The following COMMD7 variants were observed in gnomAD, a reference collection of about 807,000 sequenced individuals.
COMMD7 encodes the protein COMM domain containing 7, also known as COMM domain-containing protein 7.
In COMMD7, 28 loss-of-function variants were observed where a neutral mutation model predicts 34.8. That is an observed-to-expected ratio of 0.80 (90% confidence interval 0.60 to 1.10). The LOEUF (loss-of-function observed/expected upper bound fraction) is 1.10, where lower values mean the gene tolerates loss of function less well. Among genes scored for constraint, COMMD7 ranks in the 50% least tolerant of loss-of-function variants. The pLI is 0.00. For synonymous variants in COMMD7, 80 were observed against 86.4 expected (o/e 0.93, Z 0.41); for missense variants, 211 against 241.6 (o/e 0.87, Z 0.84).
chr20:32,725,498 A>G (rs1375706738), intron 3 of COMMD7, among the ~76,000 whole-genome samples: 2 of 141,278 alleles, frequency 1.4e-5, no homozygotes, highest in Non-Finnish European at 3.0e-5. Flanking sequence ...GCACGGTCTC[A>G]GCTCACTGCA....
intron 1 of COMMD7, among the ~76,000 whole-genome samples, chr20:32,741,235 C>T (rs983761953): frequency 6.6e-6 from 1 of 151,870 alleles, no homozygotes; most frequent in Admixed American, 6.6e-5. Context: ...GGATGGGGGT[C>T]TCACTATGCT....
intron 1 of COMMD7, among the ~76,000 whole-genome samples, chr20:32,737,642 A>C (rs1031044178): frequency 6.6e-6 from 1 of 151,100 alleles, no homozygotes; most frequent in Non-Finnish European, 1.5e-5. Context: ...CAACCTAGGC[A>C]ACAAACAGTG....
chr20:32,720,887 G>A (rs2145744823), intron 3 of COMMD7, among the ~76,000 whole-genome samples: 1 of 152,262 alleles, frequency 6.6e-6, no homozygotes, highest in South Asian at 2.1e-4. Flanking sequence ...TGCACGTACT[G>A]AGCACCTGCT....
chr20:32,730,921 C>T lies in COMMD7; in HGVS notation c.85-2779G>A, dbSNP rs78207229. Among the ~76,000 whole-genome samples, 832 of 152,306 alleles carry T rather than the reference C, an allele frequency of 5.5e-3. 15 individuals are homozygous for T. In the East Asian group the frequency reaches 0.071, roughly 13 times the overall value. On this transcript the variant is annotated intron_variant, in intron 1 of 8. Transcript: ENST00000278980. ...TATAGGCAGATACTTCAGCTTAAAA[C>T]CCCCAAAGTTGTATGTGTAGTATGT...
intron 1 of COMMD7, among the ~76,000 whole-genome samples, chr20:32,740,407 G>A (rs751542747): frequency 6.6e-6 from 1 of 152,072 alleles, no homozygotes; most frequent in Non-Finnish European, 1.5e-5. Context: ...AAAGTAAAAT[G>A]TCATTGATAT....
intron 7 of COMMD7, 104 bp downstream of exon 7, chr20:32,704,336 A>G: frequency 9.3e-7 from 1 of 1,074,866 alleles, no homozygotes; most frequent in South Asian, 1.6e-5. Flanking sequence ...TATATAAGGT[A>G]CTTCAGTAAA....
chr20:32,722,769 C>A (rs1241480909), intron 3 of COMMD7, among the ~76,000 whole-genome samples: 1 of 149,322 alleles, frequency 6.7e-6, no homozygotes, highest in Non-Finnish European at 1.5e-5. Flanking sequence ...CACCTGTAAT[C>A]CCAGCACTTT....
intron 3 of COMMD7, among the ~76,000 whole-genome samples, chr20:32,719,419 G>C (rs373683566): frequency 2.0e-5 from 3 of 152,054 alleles, no homozygotes; most frequent in Non-Finnish European, 4.4e-5. Context: ...AGGCCAAGGT[G>C]GGGTGGATCA....
chr20:32,735,843 A>G (rs117960856), intron 1 of COMMD7, among the ~76,000 whole-genome samples: 5,906 of 152,102 alleles, frequency 0.039, 149 homozygotes, highest in Non-Finnish European at 0.059. Context: ...ATACTGTTTG[A>G]ATTTCCTGTC....
chr20:32,735,514 A>C (rs894561629), intron 1 of COMMD7, among the ~76,000 whole-genome samples: 2 of 151,922 alleles, frequency 1.3e-5, no homozygotes, highest in African/African-American at 2.4e-5. Context: ...ACAGGGTTTC[A>C]CCATGTTGGC....
chr20:32,728,206 C>T, intron 1 of COMMD7, 64 bp from the exon 2 acceptor site: 2 of 1,442,870 alleles, frequency 1.4e-6, no homozygotes, highest in East Asian at 2.3e-5. Flanking sequence ...TGCCCCACCC[C>T]AGGCAACTGC....
chr20:32,741,990 C>A (rs1264414266), intron 1 of COMMD7, among the ~76,000 whole-genome samples: 3 of 152,080 alleles, frequency 2.0e-5, no homozygotes. Context: ...GTGTTCAAGA[C>A]CAGCCTGGCC....
intron 1 of COMMD7, among the ~76,000 whole-genome samples, chr20:32,740,771 A>T (rs1986395581): frequency 6.6e-6 from 1 of 151,446 alleles, no homozygotes. Context: ...CCAGGAGATC[A>T]AGGCTACAGT....
chr20:32,734,047 AG>A (rs965310213), intron 1 of COMMD7, among the ~76,000 whole-genome samples: 2 of 148,968 alleles, frequency 1.3e-5, no homozygotes, highest in African/African-American at 5.0e-5. Context: ...CAAGCGTGGT[AG>A]GGGGCGCCTA....
At chr20:32,733,716 C>CA (rs35352458) in intron 1 of COMMD7, among the ~76,000 whole-genome samples, 1,853 of 109,544 alleles carry the variant, frequency 0.017, 68 homozygotes, top group African/African-American at 0.062. Context: ...GACTCCATCT[C>CA]AAAAAAAAAA....
rs1568789037 is a variant in COMMD7 at position 32,727,933 on chromosome 20, G to T, written c.201C>A (p.Ser67=). The T allele has an allele frequency of 1.2e-6, 2 of 1,614,006 alleles. No individual in the cohort carries two copies. Among genetic ancestry groups the T allele is most frequent in the Non-Finnish European group, 1.7e-6 (2 of 1,180,034 alleles). ...GGAGGCTTTTCACGATGCTTCTGAGGGAGCCAAGACTGATCTGATTGGTGG... is the reference window on the plus strand; with the variant it reads ...GGAGGCTTTTCACGATGCTTCTGAGTGAGCCAAGACTGATCTGATTGGTGG... The part of the protein sequence containing the change: ...FATTNQISLG[S]LRSIVKSLLL... Residue 67 remains serine, a synonymous_variant, in exon 3 of 9, where the codon TCC becomes TCA. Coordinates refer to ENST00000278980, the MANE Select transcript of COMMD7 (RefSeq NM_053041.3).
intron 3 of COMMD7, among the ~76,000 whole-genome samples, chr20:32,714,633 G>A (rs931414625): frequency 6.6e-6 from 1 of 151,144 alleles, no homozygotes; most frequent in Non-Finnish European, 1.5e-5. Flanking sequence ...AGGCCAGCCT[G>A]GCCAATACGG....
At chr20:32,722,720 G>GAAA (rs72491024) in intron 3 of COMMD7, among the ~76,000 whole-genome samples, 1 of 113,186 alleles carries the variant, frequency 8.8e-6, no homozygotes. Context: ...TGAGACTCAG[G>GAAA]AAAAAAAAAA....
chr20:32,705,031 G>T (rs73251838), intron 5 of COMMD7, 127 bp from the exon 6 acceptor site: 7 of 686,728 alleles, frequency 1.0e-5, no homozygotes, highest in Non-Finnish European at 1.5e-5. Flanking sequence ...TAGTGGGGAG[G>T]GTGCAGAACG....
Sources: allele counts gnomAD v4.1 joint callset (sites outside exome capture counted in the v4.1 genomes callset), GRCh38; gene constraint gnomAD v4.1.1; transcripts MANE v1.5; gene names NCBI Gene and HGNC (gene_info 2026-07-23, HGNC 2026-07-21).